The following NUDCD3 variants were observed in gnomAD, a reference collection of about 807,000 sequenced individuals.
NUDCD3 encodes nudC domain-containing protein 3.
NUDCD3 carries 13 observed loss-of-function variants against 39.7 expected under a neutral mutation model. The observed-to-expected ratio is 0.33, with a 90% CI of 0.21 to 0.52. NUDCD3 has a LOEUF of 0.52. NUDCD3 is among the 20% of genes least tolerant of loss of function. The pLI, the probability that NUDCD3 is intolerant of heterozygous loss-of-function variation, is 0.96. For synonymous variants in NUDCD3, 175 were observed against 172.4 expected (o/e 1.02, Z -0.12); for missense variants, 453 against 458.1 (o/e 0.99, Z 0.10).
intron 2 of NUDCD3, among the ~76,000 whole-genome samples, chr7:44,428,368 G>A (rs769422991): frequency 7.9e-5 from 12 of 151,718 alleles, no homozygotes; most frequent in Admixed American, 3.3e-4. Context: ...CCTGGGAGGC[G>A]GAGGTTGCAG....
chr7:44,384,070 A>C lies in NUDCD3; in HGVS notation c.*1941T>G, dbSNP rs952651163. The C allele has an allele frequency of 6.6e-6, 1 of 152,230 alleles. No individual in the cohort carries two copies. Among genetic ancestry groups the C allele is most frequent in the Non-Finnish European group, 1.5e-5 (1 of 68,056 alleles). The allele number at this position is 152,230 out of a possible 1,614,324, so 9.4% of individuals were successfully genotyped here. On this transcript the variant is annotated 3_prime_UTR_variant, in exon 6 of 6. Coordinates refer to ENST00000355451, the MANE Select transcript of NUDCD3 (RefSeq NM_015332.4). ...GAATATAAAATCAGGCAAAACAAAC[A>C]CTAGTCACCATGGAAGTGAATGACT...
chr7:44,423,315 T>G (rs1213050188), intron 3 of NUDCD3, among the ~76,000 whole-genome samples: 1 of 152,048 alleles, frequency 6.6e-6, no homozygotes, highest in Non-Finnish European at 1.5e-5. Flanking sequence ...GAGAAAGAAA[T>G]AAAGCGTATT....
intron 2 of NUDCD3, among the ~76,000 whole-genome samples, chr7:44,467,365 C>G (rs577998081): frequency 5.3e-4 from 81 of 152,290 alleles, no homozygotes; most frequent in Middle Eastern, 3.4e-3. Flanking sequence ...AAGACTTCTG[C>G]TAGTGGGTGG....
At chr7:44,472,195 A>C (rs1002894977) in intron 2 of NUDCD3, among the ~76,000 whole-genome samples, 1 of 152,234 alleles carries the variant, frequency 6.6e-6, no homozygotes, top group Non-Finnish European at 1.5e-5. Context: ...ATACAATTAC[A>C]TTTAGAATTC....
At chr7:44,472,511 T>C (rs1585103022) in intron 2 of NUDCD3, among the ~76,000 whole-genome samples, 2 of 152,330 alleles carry the variant, frequency 1.3e-5, no homozygotes, top group East Asian at 3.9e-4. Flanking sequence ...GTATTCTCAA[T>C]GAATATTTCA....
chr7:44,428,770 C>T (rs1175440539), intron 2 of NUDCD3, among the ~76,000 whole-genome samples: 1 of 152,144 alleles, frequency 6.6e-6, no homozygotes, highest in Non-Finnish European at 1.5e-5. Flanking sequence ...TAAGTTTAGA[C>T]TCACAAGTCC....
chr7:44,490,580 C>T lies in NUDCD3; in HGVS notation c.21G>A (p.Glu7=), dbSNP rs1217722778. 3 of 1,609,802 alleles carry T rather than the reference C, an allele frequency of 1.9e-6. No individual in the cohort carries two copies. The highest frequency in any genetic ancestry group is 1.3e-5 in the African/African-American group (1 of 74,916). Residue 7 remains glutamate (E), a synonymous_variant, in exon 1 of 6, where the codon GAG becomes GAA. Transcript: ENST00000355451. METGAA[E]LYDQALLGIL... is the part of the protein sequence containing the mutation. ...TGCCCAAAAGGGCCTGGTCATACAG[C>T]TCGGCCGCCCCTGTCTCCATGTCGC...
intron 3 of NUDCD3, among the ~76,000 whole-genome samples, chr7:44,408,668 GA>G (rs1405086428): frequency 1.3e-5 from 2 of 152,102 alleles, no homozygotes; most frequent in African/African-American, 4.8e-5. Flanking sequence ...ATGGATTTTG[GA>G]AACTAACCAA....
chr7:44,489,166 A>G (rs1800681047), intron 1 of NUDCD3, among the ~76,000 whole-genome samples: 1 of 152,260 alleles, frequency 6.6e-6, no homozygotes. Flanking sequence ...CTGAATTGGT[A>G]CGTAAACTTG....
intron 3 of NUDCD3, among the ~76,000 whole-genome samples, chr7:44,405,168 C>G (rs1798795418): frequency 6.6e-6 from 1 of 152,158 alleles, no homozygotes; most frequent in East Asian, 1.9e-4. Context: ...CTATGCTCAC[C>G]AATATACCAC....
chr7:44,430,256 C>G (rs1224373972), intron 2 of NUDCD3, among the ~76,000 whole-genome samples: 1 of 152,172 alleles, frequency 6.6e-6, no homozygotes, highest in Non-Finnish European at 1.5e-5. Context: ...CCCACGGCCA[C>G]GGCAGCAGCA....
intron 5 of NUDCD3, among the ~76,000 whole-genome samples, chr7:44,388,351 TA>T (rs1252722747): frequency 6.6e-6 from 1 of 152,208 alleles, no homozygotes; most frequent in African/African-American, 2.4e-5. Context: ...TCCGGCCCCC[TA>T]ACTCTCACGA....
intron 5 of NUDCD3, among the ~76,000 whole-genome samples, chr7:44,390,202 T>G (rs1798486258): frequency 6.6e-6 from 1 of 151,904 alleles, no homozygotes; most frequent in Non-Finnish European, 1.5e-5. Flanking sequence ...CCGTCTCTAC[T>G]AAAAATACAA....
chr7:44,396,614 C>T (rs766146789), intron 4 of NUDCD3, among the ~76,000 whole-genome samples: 6 of 152,100 alleles, frequency 3.9e-5, no homozygotes, highest in Non-Finnish European at 5.9e-5. Flanking sequence ...GCCCACGCCT[C>T]GTAAGTCATT....
intron 2 of NUDCD3, among the ~76,000 whole-genome samples, chr7:44,444,927 ACTGTGAAATCT>A (rs1207468789): frequency 1.3e-5 from 2 of 152,154 alleles, no homozygotes; most frequent in African/African-American, 4.8e-5. Context: ...AATATGCCCC[ACTGTGAAATCT>A]CTGCCAATCA....
At chr7:44,463,372 T>A (rs1248578137) in intron 2 of NUDCD3, among the ~76,000 whole-genome samples, 1 of 152,186 alleles carries the variant, frequency 6.6e-6, no homozygotes, top group Admixed American at 6.5e-5. Context: ...CTGCCATCCC[T>A]GAGAACTAGC....
At chr7:44,421,790 T>C (rs1157786928) in intron 3 of NUDCD3, among the ~76,000 whole-genome samples, 2 of 152,132 alleles carry the variant, frequency 1.3e-5, no homozygotes, top group African/African-American at 4.8e-5. Context: ...TATTCAGGAC[T>C]TGAACTCAGC....
chr7:44,446,334 C>T (rs1046198145), intron 2 of NUDCD3, among the ~76,000 whole-genome samples: 7 of 152,216 alleles, frequency 4.6e-5, no homozygotes, highest in African/African-American at 7.2e-5. Flanking sequence ...GTAAGTACAA[C>T]AATCAGTGAC....
intron 2 of NUDCD3, among the ~76,000 whole-genome samples, chr7:44,478,708 G>A (rs986161012): frequency 1.3e-5 from 2 of 152,046 alleles, no homozygotes; most frequent in African/African-American, 4.8e-5. Flanking sequence ...TCAGAGTGAT[G>A]GTAAAATTAG....
Sources: allele counts gnomAD v4.1 joint callset (sites outside exome capture counted in the v4.1 genomes callset), GRCh38; gene constraint gnomAD v4.1.1; transcripts MANE v1.5; gene names NCBI Gene and HGNC (gene_info 2026-07-23, HGNC 2026-07-21).